Variants in GRM8 observed in about 807,000 individuals in gnomAD.
GRM8 encodes the protein metabotropic glutamate receptor 8.
GRM8 carries 47 observed loss-of-function variants against 87.2 expected under a neutral mutation model. The observed-to-expected ratio is 0.54, with a 90% confidence interval of 0.43 to 0.69. The LOEUF is 0.69. GRM8 is among the 30% of genes least tolerant of loss of function. The pLI is 0.00. For synonymous variants in GRM8, 396 were observed against 404.5 expected (o/e 0.98, Z 0.25); for missense variants, 1,019 against 1,139.2 (o/e 0.89, Z 1.52).
intron 6 of GRM8, among the ~76,000 whole-genome samples, chr7:126,883,910 AT>A (rs1800246778): frequency 1.3e-5 from 2 of 152,186 alleles, no homozygotes; most frequent in Non-Finnish European, 2.9e-5. Flanking sequence ...TTTTAAGCAC[AT>A]TTTCTGAAAT....
intron 8 of GRM8, among the ~76,000 whole-genome samples, chr7:126,543,169 G>T (rs1281808493): frequency 2.0e-5 from 3 of 152,074 alleles, no homozygotes; most frequent in Admixed American, 6.6e-5. Context: ...TTCTTCCATG[G>T]ACTTTTACAG....
At chr7:126,646,262 A>AAGGAAG (rs573131613) in intron 7 of GRM8, among the ~76,000 whole-genome samples, 1 of 137,842 alleles carries the variant, frequency 7.3e-6, no homozygotes, top group African/African-American at 2.8e-5. Flanking sequence ...AAGGAGGGAA[A>AAGGAAG]GAAGGAAGGA....
At chr7:126,444,314 G>T (rs1801765753) in intron 10 of GRM8, among the ~76,000 whole-genome samples, 1 of 152,070 alleles carries the variant, frequency 6.6e-6, no homozygotes, top group Admixed American at 6.6e-5. Flanking sequence ...TTTGCTAAGA[G>T]CCGAAATAGG....
intron 8 of GRM8, among the ~76,000 whole-genome samples, chr7:126,574,250 A>G (rs1365093719): frequency 1.3e-5 from 2 of 152,228 alleles, no homozygotes; most frequent in Non-Finnish European, 2.9e-5. Flanking sequence ...ATATACCATT[A>G]CATCAAAACC....
At chr7:127,127,393 AT>A (rs751261785) in intron 2 of GRM8, among the ~76,000 whole-genome samples, 2 of 152,106 alleles carry the variant, frequency 1.3e-5, no homozygotes, top group Non-Finnish European at 2.9e-5. Flanking sequence ...CTAAATATCC[AT>A]CAATAGGTGA....
intron 8 of GRM8, among the ~76,000 whole-genome samples, chr7:126,577,381 C>T (rs1366216522): frequency 1.3e-5 from 2 of 151,992 alleles, no homozygotes; most frequent in Non-Finnish European, 2.9e-5. Context: ...TTTAGTAATC[C>T]AATACCAAAT....
At chr7:127,140,616 C>T (rs1828211064) in intron 2 of GRM8, among the ~76,000 whole-genome samples, 1 of 152,124 alleles carries the variant, frequency 6.6e-6, no homozygotes, top group Admixed American at 6.5e-5. Context: ...ACTTCCAGGG[C>T]CCTGACTGAT....
intron 9 of GRM8, among the ~76,000 whole-genome samples, chr7:126,525,634 C>T (rs571973863): frequency 6.6e-6 from 1 of 152,292 alleles, no homozygotes; most frequent in Admixed American, 6.5e-5. Flanking sequence ...GTTGTGCTTC[C>T]CTTCTTTGAA....
chr7:126,523,272 A>G (rs1317243469), intron 9 of GRM8, among the ~76,000 whole-genome samples: 2 of 152,190 alleles, frequency 1.3e-5, no homozygotes, highest in Non-Finnish European at 2.9e-5. Flanking sequence ...ATTCTTCTGT[A>G]TGCGATGATT....
chr7:126,533,895 T>C lies in GRM8; in HGVS notation c.1495-8A>G, dbSNP rs1188742374. The C allele has an allele frequency of 1.9e-6, 3 of 1,589,684 alleles. No homozygotes were observed. Among genetic ancestry groups the C allele is most frequent in the South Asian group, 1.1e-5 (1 of 88,728 alleles). On this transcript the variant is annotated splice_region_variant and splice_polypyrimidine_tract_variant and intron_variant, in intron 8 of 10. Transcript: ENST00000339582. ...CCACTGCATGTCTTCCACCTGTGGG[T>C]ATAAAAAATTAATGAGCCTTCCATT...
chr7:126,568,018 G>GA (rs1293704482), intron 8 of GRM8, among the ~76,000 whole-genome samples: 10 of 152,148 alleles, frequency 6.6e-5, no homozygotes, highest in African/African-American at 2.2e-4. Context: ...CTACAGGACA[G>GA]AAAAGGAAGA....
chr7:127,238,227 C>G (rs974112230), intron 2 of GRM8, among the ~76,000 whole-genome samples: 1 of 151,942 alleles, frequency 6.6e-6, no homozygotes, highest in Non-Finnish European at 1.5e-5. Flanking sequence ...TTATCTAAAG[C>G]CATTAGCATG....
At chr7:126,493,666 T>A (rs1029710321) in intron 9 of GRM8, among the ~76,000 whole-genome samples, 4 of 152,010 alleles carry the variant, frequency 2.6e-5, no homozygotes, top group African/African-American at 9.7e-5. Context: ...GCTCCATCAG[T>A]GACTAGCTCT....
intron 3 of GRM8, among the ~76,000 whole-genome samples, chr7:127,010,103 A>C (rs1298803822): frequency 1.3e-5 from 2 of 152,128 alleles, no homozygotes; most frequent in Admixed American, 1.3e-4. Context: ...TCAGCCTCCC[A>C]AAGTGCTGGG....
intron 6 of GRM8, among the ~76,000 whole-genome samples, chr7:126,814,847 C>T (rs1475250293): frequency 2.6e-5 from 4 of 151,892 alleles, no homozygotes; most frequent in Non-Finnish European, 5.9e-5. Context: ...GATAAAAAAC[C>T]TCTGAGCAAT....
chr7:127,051,616 T>G (rs1215777816), intron 3 of GRM8, among the ~76,000 whole-genome samples: 1 of 150,910 alleles, frequency 6.6e-6, no homozygotes, highest in Non-Finnish European at 1.5e-5. Flanking sequence ...CAATGAAAAA[T>G]TATCCAAATA....
chr7:126,562,512 T>A (rs1793813889), intron 8 of GRM8, among the ~76,000 whole-genome samples: 1 of 152,222 alleles, frequency 6.6e-6, no homozygotes, highest in Non-Finnish European at 1.5e-5. Flanking sequence ...AATGCTCAGT[T>A]AATGTAAATT....
intron 7 of GRM8, among the ~76,000 whole-genome samples, chr7:126,657,973 C>A (rs557733019): frequency 6.6e-6 from 1 of 152,138 alleles, no homozygotes; most frequent in Non-Finnish European, 1.5e-5. Context: ...GAGATGCTAA[C>A]GGTTATATTA....
At chr7:126,681,093 T>C (rs1050900136) in intron 7 of GRM8, among the ~76,000 whole-genome samples, 3 of 152,180 alleles carry the variant, frequency 2.0e-5, no homozygotes, top group Non-Finnish European at 2.9e-5. Flanking sequence ...GTAGAGAAAA[T>C]AAGTGGTTAG....
Sources: allele counts gnomAD v4.1 joint callset (sites outside exome capture counted in the v4.1 genomes callset), GRCh38; gene constraint gnomAD v4.1.1; transcripts MANE v1.5; gene names NCBI Gene and HGNC (gene_info 2026-07-23, HGNC 2026-07-21).